The following SENP7 variants were observed in gnomAD, a reference collection of about 807,000 sequenced individuals.
SENP7 encodes the protein sentrin-specific protease 7.
A neutral mutation model predicts 141.2 loss-of-function variants in SENP7; 64 were observed. The ratio of observed to expected loss-of-function variants is 0.45; its 90% confidence interval spans 0.37 to 0.56. The LOEUF is 0.56. Ranked by LOEUF, SENP7 falls within the 20% of genes least tolerant of loss-of-function variation. The probability of loss-of-function intolerance (pLI) is 0.00; values close to 1 mark genes in which losing one functional copy is unlikely to be tolerated. For missense variants in SENP7, 1,025 were observed against 1,212.2 expected, an observed-to-expected ratio of 0.85 and a Z score of 2.29; for synonymous variants, 382 against 426.4, an observed-to-expected ratio of 0.90 and a Z score of 1.28.
At chr3:101,475,486 A>C (rs2064178831) in intron 3 of SENP7, among the ~76,000 whole-genome samples, 1 of 152,200 alleles carries the variant, frequency 6.6e-6, no homozygotes. Context: ...CCTCACTCAT[A>C]AGTGGGAGTT....
At chr3:101,474,259 TA>T (rs1321625027) in intron 3 of SENP7, among the ~76,000 whole-genome samples, 3 of 152,352 alleles carry the variant, frequency 2.0e-5, no homozygotes, top group Admixed American at 2.0e-4. Context: ...AGAATAGCAT[TA>T]AATCTATAAA....
At position 101,414,192 on chromosome 3, in the gene SENP7, C is replaced by T. The variant is rs578199729; in HGVS notation, c.482+3401G>A. 892 of 596,572 alleles carry T rather than the reference C, an allele frequency of 1.5e-3. 27 individuals carry two copies. The South Asian group carries it at 0.017, about 12-fold the overall frequency. 37.0% of individuals were successfully genotyped at this position (596,572 alleles called of 1,614,324 possible). On this transcript the variant is annotated intron_variant, in intron 5 of 23. Coordinates refer to ENST00000394095, the MANE Select transcript of SENP7 (RefSeq NM_020654.5). ...GGGGTTAAAAATAACTATATATGGC[C>T]GCACAGCATGGGGCAGTGTGGGGTC...
chr3:101,331,970 C>T lies in SENP7; in HGVS notation c.2698+15G>A, dbSNP rs149152716. The T allele has an allele frequency of 5.2e-4, 844 of 1,611,396 alleles. 10 individuals are homozygous for T. The East Asian group carries it at 0.015, about 29-fold the overall frequency. On this transcript the variant is annotated intron_variant, in intron 19 of 23. Coordinates refer to ENST00000394095, the MANE Select transcript of SENP7 (RefSeq NM_020654.5). The stretch of plus-strand genomic sequence containing the variant: ...TCATCATTATTAAAAACACCATCTA[C>T]GTTATGGATGTCACCTATTGTTTTG...
At chr3:101,412,283 A>G (rs2061477319) in intron 5 of SENP7, among the ~76,000 whole-genome samples, 1 of 152,140 alleles carries the variant, frequency 6.6e-6, no homozygotes, top group African/African-American at 2.4e-5. Context: ...GAGGATTCTC[A>G]TAACTCTATG....
At chr3:101,411,814 T>C (rs1216266307) in intron 5 of SENP7, among the ~76,000 whole-genome samples, 1 of 152,232 alleles carries the variant, frequency 6.6e-6, no homozygotes, top group African/African-American at 2.4e-5. Flanking sequence ...GTATTATTTA[T>C]TTAATTTTAT....
chr3:101,428,612 G>C (rs536516624), intron 4 of SENP7, among the ~76,000 whole-genome samples: 24 of 152,130 alleles, frequency 1.6e-4, no homozygotes, highest in African/African-American at 5.8e-4. Flanking sequence ...TTGTCAGATG[G>C]ACAGATTGCA....
At chr3:101,433,344 A>G (rs73147496) in intron 4 of SENP7, among the ~76,000 whole-genome samples, 21 of 54,254 alleles carry the variant, frequency 3.9e-4, no homozygotes, top group South Asian at 3.0e-3. Flanking sequence ...AAAAAAAAGG[A>G]AAAAAAAAAA....
chr3:101,457,116 C>T, intron 4 of SENP7: 1 of 693,220 alleles, frequency 1.4e-6, no homozygotes, highest in South Asian at 1.7e-5. Context: ...AGGGCTTGGG[C>T]TTAAAAATAT....
At chr3:101,463,372 T>TATATATATATATATATATATATATAC (rs1315230387) in intron 3 of SENP7, among the ~76,000 whole-genome samples, 18 of 84,518 alleles carry the variant, frequency 2.1e-4, no homozygotes, top group Non-Finnish European at 3.1e-4. Flanking sequence ...TAAATATATA[T>TATATATATATATATATATATATATAC]ATATATATAT....
At chr3:101,385,751 G>A (rs2060635651) in intron 6 of SENP7, among the ~76,000 whole-genome samples, 1 of 152,172 alleles carries the variant, frequency 6.6e-6, no homozygotes, top group Non-Finnish European at 1.5e-5. Flanking sequence ...AGCAAACTCT[G>A]TCTACCAAGG....
At chr3:101,388,584 A>G (rs1270228989) in intron 6 of SENP7, among the ~76,000 whole-genome samples, 1 of 152,242 alleles carries the variant, frequency 6.6e-6, no homozygotes. Flanking sequence ...CATAAGAAAC[A>G]TGAAAAAGGA....
At chr3:101,370,812 G>T (rs1049552907) in intron 7 of SENP7, among the ~76,000 whole-genome samples, 3 of 152,052 alleles carry the variant, frequency 2.0e-5, no homozygotes, top group Non-Finnish European at 4.4e-5. Context: ...CTTTATAAGA[G>T]TTTCAGCTGG....
chr3:101,379,298 T>C (rs929652858), intron 6 of SENP7, among the ~76,000 whole-genome samples: 4 of 152,034 alleles, frequency 2.6e-5, no homozygotes, highest in African/African-American at 9.7e-5. Flanking sequence ...GAAGAAAACA[T>C]AGGGGAAAAT....
In SENP7 at chr3:101,456,094, G is replaced by T. The variant is rs79576883; in HGVS notation, c.284+2861C>A. Among the ~76,000 whole-genome samples, 48 of 152,088 alleles carry T rather than the reference G, an allele frequency of 3.2e-4. 1 individual carries two copies. In the East Asian group the frequency reaches 9.1e-3, roughly 29 times the overall value. On this transcript the variant is annotated intron_variant, in intron 4 of 23. Coordinates refer to ENST00000394095, the MANE Select transcript of SENP7 (RefSeq NM_020654.5). ...TACACATTCCCCGGAAATATTTTAT[G>T]AACATTTTAACATTGTGAATTTGAA...
At chr3:101,358,538 GGAA>G (rs956115405) in intron 11 of SENP7, 10 of 261,576 alleles carry the variant, frequency 3.8e-5, no homozygotes, top group African/African-American at 2.0e-4. Context: ...AGCTTTTTAA[GGAA>G]GTTCTCAACC....
Position 101,426,328 on chromosome 3 carries a change from G to C in SENP7, c.285-8538C>G, listed in dbSNP as rs139580625. Among the ~76,000 whole-genome samples the C allele has an allele frequency of 2.7e-3, 414 of 152,228 alleles. 1 individual carries two copies. Among genetic ancestry groups the C allele is most frequent in the African/African-American group, 9.6e-3 (398 of 41,540 alleles). On this transcript the variant is annotated intron_variant, in intron 4 of 23. Coordinates refer to ENST00000394095, the MANE Select transcript of SENP7 (RefSeq NM_020654.5). ...CTAAAAAGGTCAGGTCACCTACAAA[G>C]GGAAGCCCATCAGACTAACAGCAGA...
chr3:101,393,200 G>C (rs887196683), intron 6 of SENP7, among the ~76,000 whole-genome samples: 2 of 152,024 alleles, frequency 1.3e-5, no homozygotes, highest in African/African-American at 4.8e-5. Flanking sequence ...TACTCAAAAT[G>C]GGTTAAAAAT....
In SENP7 at chr3:101,340,148, C is replaced by T; in HGVS notation, c.2304G>A (p.Glu768=). 4 of 1,601,690 alleles carry T rather than the reference C, an allele frequency of 2.5e-6. No individual in the cohort carries two copies. The highest frequency in any genetic ancestry group is 3.4e-6 in the Non-Finnish European group (4 of 1,175,592). The change falls in exon 16 of 24, where the codon GAG becomes GAA. Residue 768 remains glutamate, a synonymous_variant. Transcript: ENST00000394095. ...GGLGVTNEDL[E]CLEEGEFLND... is the part of the protein sequence containing the mutation. ...TAAGAAACTCTCCTTCTTCTAAACA[C>T]TCCAGATCTTCATTAGTTACTCCTA...
Position 101,372,018 on chromosome 3 carries a change from A to C in SENP7, c.786T>G (p.Thr262=). 1 of 1,501,350 alleles carries C rather than the reference A, an allele frequency of 6.7e-7. No individual in the cohort carries two copies. The highest frequency in any genetic ancestry group is 1.4e-5 in the South Asian group (1 of 72,692). The allele number at this position is 1,501,350 out of a possible 1,614,324, so 93.0% of individuals were successfully genotyped here. The stretch of plus-strand genomic sequence containing the variant: ...CTAAGGTTCACAAACCTTCAGGCTG[A>C]GTATCAGATATTAAAAGAGAAATGC... ...DDGISLLISD[T]QPEDLNSGSR... is the part of the protein sequence containing the mutation. Residue 262 remains threonine, a synonymous_variant, in exon 7 of 24, where the codon ACT becomes ACG. Transcript: ENST00000394095.
Sources: allele counts gnomAD v4.1 joint callset (sites outside exome capture counted in the v4.1 genomes callset), GRCh38; gene constraint gnomAD v4.1.1; transcripts MANE v1.5; gene names NCBI Gene and HGNC (gene_info 2026-07-23, HGNC 2026-07-21).